Variants in TRMT2B observed in about 807,000 individuals in gnomAD.
TRMT2B encodes tRNA methyltransferase 2B.
In TRMT2B, 34 loss-of-function variants were observed where a neutral mutation model predicts 39.7. The ratio of observed to expected loss-of-function variants is 0.86; its 90% CI spans 0.65 to 1.14. The LOEUF is 1.14. Among genes scored for constraint, TRMT2B ranks in the 50% most tolerant of loss-of-function variants. The pLI is 0.00. For synonymous variants in TRMT2B, 132 were observed against 137.3 expected (o/e 0.96, Z 0.27); for missense variants, 318 against 377.2 (o/e 0.84, Z 1.30).
At chrX:101,013,742 C>CAAAAAAAAAAA (rs149508279) in intron 13 of TRMT2B, 4 of 38,742 alleles carry the variant, frequency 1.0e-4, no homozygotes, top group Non-Finnish European at 2.0e-4. Context: ...GACTCCGTCT[C>CAAAAAAAAAAA]AAAAAAAAAA....
chrX:101,032,016 C>G (rs916935003), intron 7 of TRMT2B, among the ~76,000 whole-genome samples: 1 of 110,679 alleles, frequency 9.0e-6, no homozygotes, highest in Non-Finnish European at 1.9e-5. Context: ...GGAGAGGGGA[C>G]CGGGGGTGCC....
intron 7 of TRMT2B, among the ~76,000 whole-genome samples, chrX:101,033,437 A>G (rs1412228145): frequency 9.2e-6 from 1 of 108,155 alleles, no homozygotes. Flanking sequence ...TCTACTAAAA[A>G]TACAAAAATG....
chrX:100,988,351 C>T, the TRMT2B span: 1 of 1,204,088 alleles, frequency 8.3e-7, no homozygotes, highest in Non-Finnish European at 1.1e-6. Flanking sequence ...AACTAACTTT[C>T]CCCCCCATCA....
the TRMT2B span, chrX:100,990,279 C>T: frequency 5.0e-6 from 4 of 807,670 alleles, no homozygotes; most frequent in African/African-American, 8.8e-5. Flanking sequence ...GGACAGGAAG[C>T]CTGGCACTTG....
At chrX:100,986,816 A>G in the TRMT2B span, 2 of 1,200,495 alleles carry the variant, frequency 1.7e-6, no homozygotes, top group African/African-American at 1.7e-5. Context: ...AAACAAGACA[A>G]GAAGAAAGCC....
downstream of TRMT2B, among the ~76,000 whole-genome samples, chrX:101,005,184 G>T (rs1314514703): frequency 9.0e-6 from 1 of 111,393 alleles, no homozygotes; most frequent in African/African-American, 3.3e-5. Context: ...CTTGAGGTCA[G>T]GAGTTCAAGA....
At chrX:101,038,546 G>GTCAAGAAT (rs2088004657) in intron 4 of TRMT2B, among the ~76,000 whole-genome samples, 1 of 110,509 alleles carries the variant, frequency 9.0e-6, no homozygotes, top group South Asian at 3.9e-4. Flanking sequence ...ATGAGGAAAG[G>GTCAAGAAT]TCAAGAATGA....
At chrX:101,004,509 G>GTT (rs57623968), downstream of TRMT2B, among the ~76,000 whole-genome samples, 7 of 106,439 alleles carry the variant, frequency 6.6e-5, no homozygotes, top group Middle Eastern at 4.8e-3. Flanking sequence ...TTTTGTTTTT[G>GTT]TTTTTTTTTG....
rs772894448 is a variant in TRMT2B, at chrX:101,020,603, G to GAGA, written c.1067-18_1067-16dup. The stretch of plus-strand genomic sequence containing the variant: ...GCCAATCACACCTGAAGAAGTAAAC[G>GAGA]AGAAGAAGAAGAAGGCATTTTAGGG... On this transcript the variant is annotated splice_polypyrimidine_tract_variant and intron_variant, in intron 10 of 13. Coordinates refer to ENST00000372936, the MANE Select transcript of TRMT2B (RefSeq NM_024917.6). 1 of 1,138,049 alleles carries GAGA rather than the reference G, an allele frequency of 8.8e-7. No homozygotes were observed. Among genetic ancestry groups the GAGA allele is most frequent in the Non-Finnish European group, 1.2e-6 (1 of 829,691 alleles). 93.8% of individuals were successfully genotyped at this position (1,138,049 alleles called of 1,213,427 possible). A position where few individuals can be genotyped will look rare whatever the true frequency, so the allele number is the denominator to read the frequency against.
At chrX:101,029,921 T>C (rs1210124935) in intron 7 of TRMT2B, among the ~76,000 whole-genome samples, 2 of 111,716 alleles carry the variant, frequency 1.8e-5, no homozygotes, top group Non-Finnish European at 3.8e-5. Flanking sequence ...TGGGGTAAGA[T>C]GCATGACTAA....
At chrX:101,049,979 C>T (rs1464307861) in intron 2 of TRMT2B, among the ~76,000 whole-genome samples, 3 of 111,478 alleles carry the variant, frequency 2.7e-5, no homozygotes, top group Non-Finnish European at 5.6e-5. Context: ...GGGTCCTGTC[C>T]CTCCAGTCAG....
downstream of TRMT2B, among the ~76,000 whole-genome samples, chrX:101,005,542 G>A (rs927667935): frequency 5.6e-5 from 6 of 107,038 alleles, no homozygotes; most frequent in Non-Finnish European, 1.1e-4. Context: ...GAACAATGTC[G>A]CTAAGTCAGT....
At chrX:101,051,071 G>GT (rs1313781026) in intron 2 of TRMT2B, among the ~76,000 whole-genome samples, 180 bp downstream of exon 2, 6 of 97,249 alleles carry the variant, frequency 6.2e-5, no homozygotes, top group Non-Finnish European at 1.3e-4. Flanking sequence ...ATGCTTGGGA[G>GT]TTTTTTCCTC....
chrX:101,002,491 G>A, the TRMT2B span, among the ~76,000 whole-genome samples: 22,246 of 111,588 alleles, frequency 0.2, 1,734 homozygotes, highest in Middle Eastern at 0.25. Flanking sequence ...ATAAAAGAGT[G>A]ACAGCTGGCT....
chrX:101,001,726 G>T, the TRMT2B span, among the ~76,000 whole-genome samples: 14 of 108,691 alleles, frequency 1.3e-4, no homozygotes, highest in Non-Finnish European at 2.7e-4. Flanking sequence ...GACTCCCACT[G>T]GTCAAACTGT....
chrX:101,042,403 C>T lies in TRMT2B; in HGVS notation c.-23-91G>A, dbSNP rs1035695795. 146 of 982,221 alleles carry T rather than the reference C, an allele frequency of 1.5e-4. No individual in the cohort carries two copies. The Middle Eastern group carries it at 1.5e-3, about 10-fold the overall frequency. 80.9% of individuals were successfully genotyped at this position (982,221 alleles called of 1,213,427 possible). On this transcript the variant is annotated intron_variant, in intron 2 of 13. Transcript: ENST00000372936. ...CTTATAAACCCTTATGGAACTGAAGCGCCTAGCAGAATGCTGGCACACAGC... is the reference window on the plus strand; with the variant it reads ...CTTATAAACCCTTATGGAACTGAAGTGCCTAGCAGAATGCTGGCACACAGC...
At chrX:101,037,472 G>C in intron 5 of TRMT2B, 1 of 168,668 alleles carries the variant, frequency 5.9e-6, no homozygotes, top group Non-Finnish European at 1.1e-5. Flanking sequence ...TGGCCTAAAA[G>C]CTGTAGTCTG....
downstream of TRMT2B, among the ~76,000 whole-genome samples, chrX:101,008,255 C>T (rs1282989936): frequency 9.0e-6 from 1 of 111,333 alleles, no homozygotes; most frequent in Non-Finnish European, 1.9e-5. Flanking sequence ...TTTGCTGATA[C>T]AGGGAATAAA....
At chrX:101,038,448 AAAG>A (rs1260912831) in intron 4 of TRMT2B, among the ~76,000 whole-genome samples, 1 of 110,930 alleles carries the variant, frequency 9.0e-6, no homozygotes, top group Non-Finnish European at 1.9e-5. Flanking sequence ...AAACAGGACA[AAAG>A]AAGAGTGTCC....
Sources: allele counts gnomAD v4.1 joint callset (sites outside exome capture counted in the v4.1 genomes callset), GRCh38; gene constraint gnomAD v4.1.1; transcripts MANE v1.5; gene names NCBI Gene and HGNC (gene_info 2026-07-23, HGNC 2026-07-21).